Variants in AGO3 observed in about 807,000 individuals in gnomAD.
AGO3 encodes argonaute RISC catalytic component 3.
Under a neutral mutation model 105.5 loss-of-function variants are expected in AGO3, and 16 were observed. The observed-to-expected ratio is 0.15, with a 90% CI of 0.10 to 0.23. AGO3 has a LOEUF of 0.23. Ranked by LOEUF, AGO3 falls within the 10% of genes least tolerant of loss-of-function variation. AGO3 has a pLI of 1.00. For missense variants in AGO3, 534 were observed against 1,088.0 expected, an observed-to-expected ratio of 0.49 and a Z score of 7.16; for synonymous variants, 340 against 367.3, an observed-to-expected ratio of 0.93 and a Z score of 0.85.
rs1643076038 is a variant in AGO3 at position 36,065,126 on chromosome 1, C to A, written c.*9381C>A. ...AGGTTGCAGTGAGCCAAGATCACAC[C>A]ACTGCACTCCAGCCTGGGCGACAGA... On this transcript the variant is annotated 3_prime_UTR_variant, in exon 19 of 19. Coordinates refer to ENST00000373191, the MANE Select transcript of AGO3 (RefSeq NM_024852.4). 6.6e-6 allele frequency: 1 copy of A among 151,178 alleles called. No individual in the cohort carries two copies. Among genetic ancestry groups the A allele is most frequent in the South Asian group, 2.1e-4 (1 of 4,786 alleles). 9.4% of individuals were successfully genotyped at this position (151,178 alleles called of 1,614,324 possible).
intron 2 of AGO3, among the ~76,000 whole-genome samples, chr1:35,966,290 T>G (rs1276115968): frequency 6.6e-6 from 1 of 152,228 alleles, no homozygotes; most frequent in Non-Finnish European, 1.5e-5. Flanking sequence ...TTTCTCTGCT[T>G]TTACAAATGT....
intron 2 of AGO3, among the ~76,000 whole-genome samples, chr1:35,958,537 T>C (rs780535286): frequency 2.0e-5 from 3 of 152,012 alleles, no homozygotes; most frequent in Non-Finnish European, 4.4e-5. Context: ...GGCACACTCC[T>C]GTAGTCCCAG....
intron 2 of AGO3, among the ~76,000 whole-genome samples, chr1:35,964,472 C>G (rs1476088812): frequency 6.6e-6 from 1 of 152,160 alleles, no homozygotes; most frequent in African/African-American, 2.4e-5. Flanking sequence ...TTTTTTATGA[C>G]TGCATAGTAT....
chr1:35,971,172 T>C (rs1646863661), intron 3 of AGO3, among the ~76,000 whole-genome samples: 1 of 140,590 alleles, frequency 7.1e-6, no homozygotes, highest in Non-Finnish European at 1.5e-5. Context: ...TTTATTTATT[T>C]ATTTTTTTTT....
At chr1:36,003,727 T>A (rs1640215918) in intron 5 of AGO3, among the ~76,000 whole-genome samples, 1 of 140,862 alleles carries the variant, frequency 7.1e-6, no homozygotes, top group South Asian at 2.2e-4. Context: ...TATATATATA[T>A]ATATATATAT....
chr1:36,031,901 G>A (rs1641796382), intron 12 of AGO3, among the ~76,000 whole-genome samples: 1 of 150,634 alleles, frequency 6.6e-6, no homozygotes, highest in Non-Finnish European at 1.5e-5. Context: ...TGTGTGTGGG[G>A]GGGCGGGGGG....
At position 35,973,396 on chromosome 1, in the gene AGO3, AT is replaced by A. The variant is rs2148775983; in HGVS notation, c.548del (p.Phe183SerfsTer32). 1.4e-5 allele frequency: 22 copies of A among 1,583,956 alleles called. No individual in the cohort carries two copies. Among genetic ancestry groups the A allele is most frequent in the South Asian group, 2.3e-5 (2 of 86,682 alleles). ...SMKYTPVGRS[F>X]FSAPEGYDHP... ...GTAGATACACACCTGTGGGGCGTTCATTTTTCTCCGCTCCAGAAGGATATGA... is the reference window on the plus strand; with the variant it reads ...GTAGATACACACCTGTGGGGCGTTCATTTTCTCCGCTCCAGAAGGATATGA... On this transcript the variant is annotated frameshift_variant, in exon 5 of 19. Coordinates refer to ENST00000373191, the MANE Select transcript of AGO3 (RefSeq NM_024852.4). LOFTEE classifies it high-confidence loss of function.
Position 36,068,064 on chromosome 1 carries a change from T to A in AGO3, c.*12319T>A, listed in dbSNP as rs1557723596. 6.6e-6 allele frequency: 1 copy of A among 152,152 alleles called. No individual in the cohort carries two copies. The highest frequency in any genetic ancestry group is 2.1e-4 in the South Asian group (1 of 4,836). The allele number at this position is 152,152 out of a possible 1,614,324, so 9.4% of individuals were successfully genotyped here. A position where few individuals can be genotyped will look rare whatever the true frequency, so the allele number is the denominator to read the frequency against. ...TCTTATTTGTAATACAATCAGTGTT[T>A]TATGCCATTTGTGAATCACACAATT... On this transcript the variant is annotated 3_prime_UTR_variant, in exon 19 of 19. Coordinates refer to ENST00000373191, the MANE Select transcript of AGO3 (RefSeq NM_024852.4).
intron 11 of AGO3, among the ~76,000 whole-genome samples, chr1:36,018,663 C>A (rs1395861373): frequency 6.6e-6 from 1 of 152,218 alleles, no homozygotes; most frequent in South Asian, 2.1e-4. Context: ...GATCTCCTGA[C>A]CTCGTGATTC....
At chr1:35,993,662 TG>T (rs1439833873) in intron 5 of AGO3, among the ~76,000 whole-genome samples, 2 of 150,962 alleles carry the variant, frequency 1.3e-5, no homozygotes, top group Non-Finnish European at 2.9e-5. Context: ...TTTTCTATAA[TG>T]TAAGGAAAAA....
Position 35,952,138 on chromosome 1 carries a change from TTCTTTCTTTC to T in AGO3, c.191+6277_191+6286del, listed in dbSNP as rs1310532672. 5.1e-4 allele frequency among the ~76,000 whole-genome samples: 50 copies of T among 97,268 alleles called. 1 individual carries two copies. In the East Asian group the frequency reaches 0.01, roughly 20 times the overall value. The allele number at this position is 97,268 out of a possible 152,430, so 63.8% of individuals were successfully genotyped here. A position where few individuals can be genotyped will look rare whatever the true frequency, so the allele number is the denominator to read the frequency against. Reference sequence around the variant, plus strand: ...TTTCTTTCTTTCTTTCTTTCTTTCTTTCTTTCTTTCTTTTTTTTTTTTTTTTTTGACAGAG... The same window carrying T: ...TTTCTTTCTTTCTTTCTTTCTTTCTTTTTTTTTTTTTTTTTTTTGACAGAG... On this transcript the variant is annotated intron_variant, in intron 2 of 18. Transcript: ENST00000373191.
chr1:35,963,879 T>C (rs1299225274), intron 2 of AGO3, among the ~76,000 whole-genome samples: 3 of 151,994 alleles, frequency 2.0e-5, no homozygotes, highest in Non-Finnish European at 4.4e-5. Context: ...GGAGATACTA[T>C]TAATTAAAGA....
intron 5 of AGO3, among the ~76,000 whole-genome samples, chr1:35,981,805 A>G (rs954905702): frequency 6.6e-6 from 1 of 152,032 alleles, no homozygotes; most frequent in African/African-American, 2.4e-5. Context: ...AGTTCTAAAC[A>G]TTGTAGTTCC....
chr1:35,964,833 A>G (rs1392555828), intron 2 of AGO3, among the ~76,000 whole-genome samples: 1 of 152,076 alleles, frequency 6.6e-6, no homozygotes, highest in Non-Finnish European at 1.5e-5. Context: ...CTGGCATGAG[A>G]TGGTATCTCA....
chr1:36,039,930 G>A lies in AGO3; in HGVS notation c.1983G>A (p.Lys661=). ...AATTTTATAAGTCAACTCGGTTCAA[G>A]CCTACTCGTATCATCTTTTATCGGG... The part of the protein sequence containing the change: ...LIQFYKSTRF[K]PTRIIFYRDG... The change falls in exon 15 of 19, where the codon AAG becomes AAA. Residue 661 remains lysine, a synonymous_variant. Coordinates refer to ENST00000373191, the MANE Select transcript of AGO3 (RefSeq NM_024852.4). 6.2e-7 allele frequency: 1 copy of A among 1,614,038 alleles called. No homozygotes were observed. The highest frequency in any genetic ancestry group is 8.5e-7 in the Non-Finnish European group (1 of 1,180,008).
intron 1 of AGO3, among the ~76,000 whole-genome samples, chr1:35,944,544 C>CTTTTTTTTTTTTT (rs761797350): frequency 7.6e-5 from 8 of 105,478 alleles, no homozygotes; most frequent in East Asian, 2.7e-4. Context: ...ATTTTATTTA[C>CTTTTTTTTTTTTT]TTTTTTTTTT....
chr1:35,977,402 TTTTTTTTTGAGACAGGGTC>T (rs1430397016), intron 5 of AGO3, among the ~76,000 whole-genome samples: 1 of 150,120 alleles, frequency 6.7e-6, no homozygotes. Context: ...TTTTTTTTTT[TTTTTTTTTGAGACAGGGTC>T]TTGCTCTGTC....
At position 36,013,703 on chromosome 1, in the gene AGO3, A is replaced by G. The variant is rs1233026257; in HGVS notation, c.1223A>G (p.His408Arg). The G allele has an allele frequency of 2.5e-6, 4 of 1,614,106 alleles. No individual in the cohort carries two copies. Among genetic ancestry groups the G allele is most frequent in the Non-Finnish European group, 3.4e-6 (4 of 1,180,046 alleles). ...TTTAAAGTTCGGGATGAAATGGCTC[A>G]TGTAACTGGACGCGTACTTCCAGCA... ...FQFKVRDEMA[H>R]VTGRVLPAPM... The change falls in exon 10 of 19, where the codon CAT becomes CGT. Residue 408 changes from histidine (H) to arginine (R), a missense_variant. His to Arg is a conservative substitution (Grantham distance 29). Around this residue, in one of 2 missense-constraint regions of AGO3, gnomAD observed 373 missense variants for 854.0 expected, o/e 0.44. Coordinates refer to ENST00000373191, the MANE Select transcript of AGO3 (RefSeq NM_024852.4).
intron 5 of AGO3, among the ~76,000 whole-genome samples, chr1:35,995,205 A>ATAT (rs1553164834): frequency 8.9e-6 from 1 of 112,668 alleles, no homozygotes; most frequent in African/African-American, 4.5e-5. Flanking sequence ...TGTCTAAAAA[A>ATAT]AAAAATATAT....
Sources: allele counts gnomAD v4.1 joint callset (sites outside exome capture counted in the v4.1 genomes callset), GRCh38; gene constraint gnomAD v4.1.1; regional missense constraint gnomAD v4.1.1; transcripts MANE v1.5; gene names NCBI Gene and HGNC (gene_info 2026-07-23, HGNC 2026-07-21).